The following STAU2 variants were observed in gnomAD, a reference collection of about 807,000 sequenced individuals.
STAU2 encodes the protein staufen double-stranded RNA binding protein 2, also known as double-stranded RNA-binding protein Staufen homolog 2.
Under a neutral mutation model 65.9 loss-of-function variants are expected in STAU2, and 20 were observed. That is an observed-to-expected ratio of 0.30 (90% CI 0.21 to 0.44). The LOEUF is 0.44. Among genes scored for constraint, STAU2 ranks in the 20% least tolerant of loss-of-function variants. STAU2 has a pLI of 1.00. For missense variants in STAU2, 558 were observed against 683.9 expected, an observed-to-expected ratio of 0.82 and a Z score of 2.05; for synonymous variants, 232 against 233.9, an observed-to-expected ratio of 0.99 and a Z score of 0.07.
At chr8:73,739,960 C>T in intron 1 of STAU2, 92 bp from the exon 2 acceptor site, 1 of 654,040 alleles carries the variant, frequency 1.5e-6, no homozygotes, top group Non-Finnish European at 2.7e-6. Context: ...CACTCATTTG[C>T]TCAGAGGGAG....
At chr8:73,580,864 T>C (rs987391097) in intron 12 of STAU2, among the ~76,000 whole-genome samples, 1 of 152,192 alleles carries the variant, frequency 6.6e-6, no homozygotes, top group African/African-American at 2.4e-5. Flanking sequence ...CTCACCTCCT[T>C]ACAGCTGGGA....
rs770191099 is a variant in STAU2 at position 73,615,683 on chromosome 8, T to C, written c.670A>G (p.Ser224Gly). The C allele has an allele frequency of 4.3e-6, 7 of 1,613,228 alleles. No homozygotes were observed. Among genetic ancestry groups the C allele is most frequent in the Non-Finnish European group, 5.9e-6 (7 of 1,179,394 alleles). The change falls in exon 8 of 15, where the codon AGT (serine) becomes GGT (glycine). Residue 224 changes from serine (S) to glycine (G), a missense_variant. Ser to Gly is a moderately conservative substitution (Grantham distance 56). This residue lies in a region of STAU2 where 199 missense variants were observed against 299.5 expected (regional missense o/e 0.66). Transcript: ENST00000524300. Reference sequence around the variant, plus strand: ...CTCTACCGAGTACATACCTCAAAACTGACAGGCATATTTCGCTTCAGAGCA... The same window carrying C: ...CTCTACCGAGTACATACCTCAAAACCGACAGGCATATTTCGCTTCAGAGCA... ...EIALKRNMPV[S>G]FEVIKESGPP...
chr8:73,590,517 T>A (rs1435386888), intron 11 of STAU2: 1 of 152,102 alleles, frequency 6.6e-6, no homozygotes, highest in East Asian at 1.9e-4. Context: ...CATTGGAGGC[T>A]TAAAAAAGAA....
rs1201632928 is a variant in STAU2, at chr8:73,706,176, G to A, written c.114+2856C>T. On this transcript the variant is annotated intron_variant, in intron 4 of 14. Coordinates refer to ENST00000524300, the MANE Select transcript of STAU2 (RefSeq NM_001164380.2). ...CTGTAGCCCAAACTGGAGTGCAGTG[G>A]TGCAATCTTGGCTCACTGCAACCTC... 2.6e-5 allele frequency among the ~76,000 whole-genome samples: 4 copies of A among 152,044 alleles called. No homozygotes were observed. In the East Asian group the frequency reaches 5.8e-4, roughly 22 times the overall value.
At chr8:73,436,420 A>G (rs1817685650) in intron 13 of STAU2, among the ~76,000 whole-genome samples, 1 of 151,570 alleles carries the variant, frequency 6.6e-6, no homozygotes, top group Non-Finnish European at 1.5e-5. Flanking sequence ...ACCTCCTCTT[A>G]TACCTGATTT....
At chr8:73,616,819 A>C (rs530679102) in intron 7 of STAU2, among the ~76,000 whole-genome samples, 4 of 151,980 alleles carry the variant, frequency 2.6e-5, no homozygotes, top group African/African-American at 9.7e-5. Flanking sequence ...GAAGCTCACT[A>C]TGCTATGTAT....
chr8:73,552,305 G>A lies in STAU2; in HGVS notation c.1237C>T (p.Leu413Phe). 3 of 1,611,370 alleles carry A rather than the reference G, an allele frequency of 1.9e-6. No individual in the cohort carries two copies. The highest frequency in any genetic ancestry group is 2.5e-6 in the Non-Finnish European group (3 of 1,178,714). The change falls in exon 13 of 15, where the codon CTT becomes TTT. Residue 413 changes from leucine (L) to phenylalanine (F), a missense_variant. Transcript: ENST00000524300. ...EPTNNTPKGI[L>F]HLSPDVYQEM... ...TGATAAACATCAGGAGACAAATGAA[G>A]AATTCCTTTTGGAGCTATAAATAAA...
intron 6 of STAU2, among the ~76,000 whole-genome samples, chr8:73,661,705 G>A (rs1816846000): frequency 6.6e-6 from 1 of 152,144 alleles, no homozygotes; most frequent in Admixed American, 6.5e-5. Context: ...CCTACACTAT[G>A]TATCTGTCCT....
intron 6 of STAU2, among the ~76,000 whole-genome samples, chr8:73,660,576 C>G (rs1816759515): frequency 2.0e-5 from 3 of 152,174 alleles, no homozygotes; most frequent in Non-Finnish European, 2.9e-5. Flanking sequence ...AGAAAACAGA[C>G]CAGATATTCC....
chr8:73,484,225 T>C (rs1019921816), intron 13 of STAU2, among the ~76,000 whole-genome samples: 6 of 152,116 alleles, frequency 3.9e-5, no homozygotes, highest in African/African-American at 1.4e-4. Flanking sequence ...AAAAACAATG[T>C]CAAAAATTTG....
intron 12 of STAU2, among the ~76,000 whole-genome samples, chr8:73,576,493 A>G (rs1396055018): frequency 7.2e-5 from 11 of 152,164 alleles, no homozygotes; most frequent in Admixed American, 7.2e-4. Flanking sequence ...GGGCGACTAC[A>G]TATAAAATTC....
intron 13 of STAU2, among the ~76,000 whole-genome samples, chr8:73,529,506 T>G (rs141406717): frequency 6.6e-6 from 1 of 152,300 alleles, no homozygotes; most frequent in African/African-American, 2.4e-5. Context: ...CACTTCTATG[T>G]CAGCTGACTT....
intron 6 of STAU2, among the ~76,000 whole-genome samples, chr8:73,634,482 TGC>T (rs952384822): frequency 2.8e-4 from 43 of 151,976 alleles, no homozygotes; most frequent in African/African-American, 1.0e-3. Flanking sequence ...AAGCTGAGAT[TGC>T]GCCACTGCAC....
intron 10 of STAU2, among the ~76,000 whole-genome samples, chr8:73,599,097 A>G (rs1322873743): frequency 6.6e-6 from 1 of 152,230 alleles, no homozygotes; most frequent in Non-Finnish European, 1.5e-5. Context: ...TGAAAACTCA[A>G]TCAAAATTCC....
chr8:73,503,340 G>C (rs933476014), intron 13 of STAU2, among the ~76,000 whole-genome samples: 31 of 152,044 alleles, frequency 2.0e-4, no homozygotes, highest in Non-Finnish European at 3.4e-4. Flanking sequence ...AATCAATGAG[G>C]CTTAAAGTAA....
At chr8:73,571,949 A>T (rs968552087) in intron 12 of STAU2, among the ~76,000 whole-genome samples, 1 of 152,196 alleles carries the variant, frequency 6.6e-6, no homozygotes, top group Non-Finnish European at 1.5e-5. Context: ...AAAAAAATCA[A>T]TGAATCCAGG....
intron 13 of STAU2, among the ~76,000 whole-genome samples, chr8:73,449,989 G>A (rs1818716066): frequency 6.6e-6 from 1 of 152,364 alleles, no homozygotes; most frequent in East Asian, 1.9e-4. Context: ...CCAAGAGGCA[G>A]TCCTGGACAA....
rs924121731 is a variant in STAU2 at position 73,656,707 on chromosome 8, A to G, written c.410+16400T>C. On this transcript the variant is annotated intron_variant, in intron 6 of 14. Transcript: ENST00000524300. ...TATTTTACCCAAATGGTAGAGCTGC[A>G]AACAGCTCATTTAATTTATGGTAAA... Among the ~76,000 whole-genome samples, 8 of 152,368 alleles carry G rather than the reference A, an allele frequency of 5.3e-5. No individual in the cohort carries two copies. The Middle Eastern group carries it at 0.01, about 194-fold the overall frequency.
intron 13 of STAU2, among the ~76,000 whole-genome samples, chr8:73,515,771 C>CTTTTTTTTTTTTTTTTTTTTTTTT (rs1563396706): frequency 1.0e-5 from 1 of 95,378 alleles, no homozygotes; most frequent in African/African-American, 3.7e-5. Flanking sequence ...GAAAAAATTT[C>CTTTTTTTTTTTTTTTTTTTTTTTT]TCTTTTTTTT....
Sources: allele counts gnomAD v4.1 joint callset (sites outside exome capture counted in the v4.1 genomes callset), GRCh38; gene constraint gnomAD v4.1.1; regional missense constraint gnomAD v4.1.1; transcripts MANE v1.5; gene names NCBI Gene and HGNC (gene_info 2026-07-23, HGNC 2026-07-21).